The following CCT6B variants were observed in gnomAD, a reference collection of about 807,000 sequenced individuals.
CCT6B encodes probable T-complex protein 1 subunit zeta-2.
In CCT6B, 49 loss-of-function variants were observed where a neutral mutation model predicts 61.5. The ratio of observed to expected loss-of-function variants is 0.80; its 90% confidence interval spans 0.63 to 1.01. The LOEUF is 1.01. Ranked by LOEUF, CCT6B falls within the 50% of genes least tolerant of loss-of-function variation. The pLI is 0.00. For synonymous variants in CCT6B, 228 were observed against 214.5 expected, an observed-to-expected ratio of 1.06 and a Z score of -0.55; for missense variants, 666 against 634.7, an observed-to-expected ratio of 1.05 and a Z score of -0.53.
chr17:34,951,997 G>A lies in CCT6B; in HGVS notation c.567C>T (p.Phe189=), dbSNP rs1201721072. The A allele has an allele frequency of 1.2e-6, 2 of 1,609,334 alleles. No homozygotes were observed. The highest frequency in any genetic ancestry group is 2.2e-5 in the South Asian group (2 of 90,502). Reference sequence around the variant, plus strand: ...GCTTCATCTCCATTATTTCTACCATGAAGAGATCAATAGGGTAACCTGGTC... The same window carrying A: ...GCTTCATCTCCATTATTTCTACCATAAAGAGATCAATAGGGTAACCTGGTC... ...VRRPGYPIDL[F]MVEIMEMKHK... Residue 189 remains phenylalanine, a synonymous_variant, in exon 5 of 14, where the codon TTC becomes TTT. Transcript: ENST00000314144.
rs1252121323 is a variant in CCT6B at position 34,954,690 on chromosome 17, TACTC to T, written c.337-95_337-92del. ...TCTGATTATTATGTTCAAAAAAAGT[TACTC>T]ACATTAATGCCATGAAATATAAGTG... On this transcript the variant is annotated intron_variant, in intron 3 of 13. Transcript: ENST00000314144. 5 of 994,566 alleles carry T rather than the reference TACTC, an allele frequency of 5.0e-6. No individual in the cohort carries two copies. In the African/African-American group the frequency reaches 5.0e-5, roughly 10 times the overall value. The allele number at this position is 994,566 out of a possible 1,614,324, so 61.6% of individuals were successfully genotyped here.
chr17:34,956,806 TTCTC>T (rs1348836676), intron 3 of CCT6B, among the ~76,000 whole-genome samples: 2 of 151,570 alleles, frequency 1.3e-5, no homozygotes, highest in Non-Finnish European at 2.9e-5. Context: ...CTCTCCTCTC[TTCTC>T]TCTCTCTCTT....
intron 1 of CCT6B, among the ~76,000 whole-genome samples, chr17:34,960,485 A>G (rs936547648): frequency 1.3e-5 from 2 of 152,210 alleles, no homozygotes; most frequent in African/African-American, 4.8e-5. Context: ...CATGTTACTT[A>G]AGATGCTTTT....
intron 2 of CCT6B, 85 bp from the exon 3 acceptor site, chr17:34,958,779 A>G (rs2090377401): frequency 2.0e-6 from 2 of 976,806 alleles, no homozygotes; most frequent in Non-Finnish European, 2.8e-6. Context: ...AGGGGTCAGT[A>G]GCAAAATTAA....
At chr17:34,928,348 C>T (rs2089992890) in intron 13 of CCT6B, among the ~76,000 whole-genome samples, 1 of 151,842 alleles carries the variant, frequency 6.6e-6, no homozygotes. Flanking sequence ...CCTCAGCTTA[C>T]TGCAACTTCT....
intron 6 of CCT6B, 60 bp downstream of exon 6, chr17:34,942,736 G>A (rs2090179660): frequency 6.7e-7 from 1 of 1,492,520 alleles, no homozygotes; most frequent in African/African-American, 1.4e-5. Context: ...AGGAAAAAGA[G>A]ATTTTAAAAC....
rs975987652 is a variant in CCT6B, at chr17:34,929,107, A to C, written c.1451-73T>G. On this transcript the variant is annotated intron_variant, in intron 12 of 13. Transcript: ENST00000314144. ...TAATATTAATTGATATCTTCTAAAA[A>C]TATTTAATACATTACCAAAACTACT... 77 of 905,860 alleles carry C rather than the reference A, an allele frequency of 8.5e-5. No individual in the cohort carries two copies. The African/African-American group carries it at 1.1e-3, about 13-fold the overall frequency. 56.1% of individuals were successfully genotyped at this position (905,860 alleles called of 1,614,324 possible).
chr17:34,958,540 A>C lies in CCT6B; in HGVS notation c.336+20T>G, dbSNP rs745326101. 3.4e-6 allele frequency: 5 copies of C among 1,456,620 alleles called. No homozygotes were observed. Among genetic ancestry groups the C allele is most frequent in the Middle Eastern group, 1.8e-4 (1 of 5,528 alleles). The allele number at this position is 1,456,620 out of a possible 1,614,324, so 90.2% of individuals were successfully genotyped here. ...TAATTTGCCATTCAAAATAACATAT[A>C]AACTGTGAAATTCTAATACCTCAGA... On this transcript the variant is annotated intron_variant, in intron 3 of 13. Coordinates refer to ENST00000314144, the MANE Select transcript of CCT6B (RefSeq NM_006584.4).
At chr17:34,945,065 C>T (rs1272884089) in intron 5 of CCT6B, among the ~76,000 whole-genome samples, 2 of 152,210 alleles carry the variant, frequency 1.3e-5, no homozygotes, top group African/African-American at 4.8e-5. Flanking sequence ...GCTTCTGGGA[C>T]ACCACTCTCC....
chr17:34,951,800 G>T, intron 5 of CCT6B, 150 bp downstream of exon 5: 1 of 430,094 alleles, frequency 2.3e-6, no homozygotes. Context: ...ATTCTGTTCT[G>T]TTTACTCTCA....
At chr17:34,950,000 C>T (rs935455537) in intron 5 of CCT6B, among the ~76,000 whole-genome samples, 1 of 152,184 alleles carries the variant, frequency 6.6e-6, no homozygotes, top group African/African-American at 2.4e-5. Context: ...TGACTATACA[C>T]TGAGCCATAA....
intron 1 of CCT6B, among the ~76,000 whole-genome samples, chr17:34,960,190 C>T (rs150836491): frequency 7.0e-4 from 106 of 152,324 alleles, no homozygotes; most frequent in African/African-American, 2.3e-3. Context: ...CAACGTGATT[C>T]AGTCAGTTCC....
Position 34,959,600 on chromosome 17 carries a change from A to T in CCT6B, c.188T>A (p.Leu63Gln). 1 of 1,612,714 alleles carries T rather than the reference A, an allele frequency of 6.2e-7. No homozygotes were observed. ...GCATCAGCTCACCATCTCATCGAGC[A>T]GCACATTGCCATCTTTGGTGAGTTT... ...DIKLTKDGNV[L>Q]LDEMQIQHPT... The change falls in exon 2 of 14, where the codon CTG becomes CAG. Residue 63 changes from leucine (L) to glutamine (Q), a missense_variant. By Grantham distance (113) the Leu-to-Gln change is moderately radical (BLOSUM62 -2). Coordinates refer to ENST00000314144, the MANE Select transcript of CCT6B (RefSeq NM_006584.4).
At position 34,954,704 on chromosome 17, in the gene CCT6B, C is replaced by T. The variant is rs538619120; in HGVS notation, c.337-105G>A. ...TCAAAAAAAGTTACTCACATTAATGCCATGAAATATAAGTGTACATAATTT... is the reference window on the plus strand; with the variant it reads ...TCAAAAAAAGTTACTCACATTAATGTCATGAAATATAAGTGTACATAATTT... On this transcript the variant is annotated intron_variant, in intron 3 of 13. Coordinates refer to ENST00000314144, the MANE Select transcript of CCT6B (RefSeq NM_006584.4). 3.0e-4 allele frequency: 246 copies of T among 822,752 alleles called. No homozygotes were observed. In the East Asian group the frequency reaches 6.8e-3, roughly 23 times the overall value. 51.0% of individuals were successfully genotyped at this position (822,752 alleles called of 1,614,324 possible).
intron 10 of CCT6B, among the ~76,000 whole-genome samples, chr17:34,933,017 A>G (rs1309871285): frequency 6.6e-6 from 1 of 152,126 alleles, no homozygotes; most frequent in Non-Finnish European, 1.5e-5. Flanking sequence ...CCTGACTTCA[A>G]GTGATCCACC....
At chr17:34,935,323 G>A (rs1347077391) in intron 10 of CCT6B, among the ~76,000 whole-genome samples, 1 of 152,172 alleles carries the variant, frequency 6.6e-6, no homozygotes, top group African/African-American at 2.4e-5. Flanking sequence ...TCTGGAGATG[G>A]GTGGTGATAA....
chr17:34,942,560 C>CT lies in CCT6B; in HGVS notation c.808dup (p.Arg270LysfsTer18), dbSNP rs1460369384. The CT allele has an allele frequency of 6.2e-7, 1 of 1,607,256 alleles. No homozygotes were observed. Among genetic ancestry groups the CT allele is most frequent in the Admixed American group, 1.7e-5 (1 of 58,908 alleles). Reference sequence around the variant, plus strand: ...CTTCAGGTCTATTATTTTTTGTACTCTATCTTCAATAAATTTTCTTTCAGC... The same window carrying CT: ...CTTCAGGTCTATTATTTTTTGTACTCTTATCTTCAATAAATTTTCTTTCAGC... On this transcript the variant is annotated frameshift_variant, in exon 7 of 14. Transcript: ENST00000314144. LOFTEE classifies it high-confidence loss of function.
Position 34,927,989 on chromosome 17 carries a change from G to A in CCT6B, c.*59C>T. 8.2e-7 allele frequency: 1 copy of A among 1,218,322 alleles called. No homozygotes were observed. Among genetic ancestry groups the A allele is most frequent in the Non-Finnish European group, 1.2e-6 (1 of 839,764 alleles). 75.5% of individuals were successfully genotyped at this position (1,218,322 alleles called of 1,614,324 possible). A position where few individuals can be genotyped will look rare whatever the true frequency, so the allele number is the denominator to read the frequency against. On this transcript the variant is annotated 3_prime_UTR_variant, in exon 14 of 14. Coordinates refer to ENST00000314144, the MANE Select transcript of CCT6B (RefSeq NM_006584.4). ...GAATGGCTCAGGCTACACAATAGTA[G>A]TCAGATGTAAAGTGTACTAAATTTC...
chr17:34,952,924 C>T (rs1427218648), intron 4 of CCT6B, among the ~76,000 whole-genome samples: 2 of 152,004 alleles, frequency 1.3e-5, no homozygotes, highest in Non-Finnish European at 2.9e-5. Flanking sequence ...GAATGGGTGC[C>T]CTAGCAGCAT....
Sources: gnomAD v4.1 joint callset for allele counts (sites outside exome capture counted in the v4.1 genomes callset) on GRCh38, gnomAD v4.1.1 for gene constraint, MANE v1.5 for transcripts, NCBI Gene and HGNC (gene_info 2026-07-23, HGNC 2026-07-21) for gene names.